The following KCNQ2 variants were observed in gnomAD, a reference collection of about 807,000 sequenced individuals.
KCNQ2 encodes potassium voltage-gated channel subfamily Q member 2, also known as potassium voltage-gated channel subfamily KQT member 2.
A neutral mutation model predicts 84.8 loss-of-function variants in KCNQ2; 14 were observed. The observed-to-expected ratio is 0.17, with a 90% CI of 0.11 to 0.26. The LOEUF is 0.26. Ranked by LOEUF, KCNQ2 falls within the 10% of genes least tolerant of loss-of-function variation. KCNQ2 has a pLI of 1.00. For synonymous variants in KCNQ2, 599 were observed against 554.1 expected (o/e 1.08, Z -1.14); for missense variants, 788 against 1,254.0 (o/e 0.63, Z 5.61).
At chr20:63,424,873 T>C (rs1446853090) in intron 10 of KCNQ2, among the ~76,000 whole-genome samples, 1 of 152,214 alleles carries the variant, frequency 6.6e-6, no homozygotes. Flanking sequence ...CCCAGCGATC[T>C]CATTCGAACA....
chr20:63,455,892 G>A (rs7508914), intron 1 of KCNQ2, among the ~76,000 whole-genome samples: 2 of 57,766 alleles, frequency 3.5e-5, no homozygotes, highest in Non-Finnish European at 6.6e-5. Context: ...GGAGACCCCT[G>A]TGCTCACGGG....
At chr20:63,439,901 T>C (rs1056036746) in intron 5 of KCNQ2, 193 bp from the exon 6 acceptor site, 2 of 647,684 alleles carry the variant, frequency 3.1e-6, no homozygotes, top group African/African-American at 1.8e-5. Context: ...TCTCTCCTCT[T>C]CCCCTACAGG....
rs1198817209 is a variant in KCNQ2 at position 63,425,491 on chromosome 20, G to A, written c.1218-1285C>T. On this transcript the variant is annotated intron_variant, in intron 10 of 16. Transcript: ENST00000359125. The surrounding 1 kb of genome is among the most constrained non-coding windows in gnomAD (Gnocchi z 5.5). ...TCCCAGCACTTTGGGAGGCCGAGGC[G>A]GGTGGATCACCTGAGGTCAGGAGTT... Among the ~76,000 whole-genome samples, 4 of 152,058 alleles carry A rather than the reference G, an allele frequency of 2.6e-5. No individual in the cohort carries two copies. The highest frequency in any genetic ancestry group is 4.4e-5 in the Non-Finnish European group (3 of 67,996).
Position 63,431,438 on chromosome 20 carries a change from A to AGAAAAT in KCNQ2, c.1119-75_1119-70dup. ...TTTCAAAAAGAACGGGATAAGAAAA[A>AGAAAAT]GAAAATGAAACAAATAGTTGAGGAA... On this transcript the variant is annotated intron_variant, in intron 8 of 16. Coordinates refer to ENST00000359125, the MANE Select transcript of KCNQ2 (RefSeq NM_172107.4). 14 of 1,533,004 alleles carry AGAAAAT rather than the reference A, an allele frequency of 9.1e-6. 1 individual carries two copies. The South Asian group carries it at 1.6e-4, about 17-fold the overall frequency. 95.0% of individuals were successfully genotyped at this position (1,533,004 alleles called of 1,614,324 possible).
In KCNQ2 at chr20:63,472,272, G is replaced by C; in HGVS notation, c.192C>G (p.Ala64=). 2.0e-6 allele frequency: 3 copies of C among 1,537,934 alleles called. No homozygotes were observed. Among genetic ancestry groups the C allele is most frequent in the South Asian group, 1.2e-5 (1 of 82,420 alleles). Residue 64 remains alanine, a synonymous_variant, in exon 1 of 17, where the codon GCC becomes GCG. Transcript: ENST00000359125. ...LSKPRAGGAG[A]GKPPKRNAFY... Reference sequence around the variant, plus strand: ...AGGCGTTGCGCTTGGGGGGCTTCCCGGCGCCCGCGCCGCCCGCGCGAGGTT... The same window carrying C: ...AGGCGTTGCGCTTGGGGGGCTTCCCCGCGCCCGCGCCGCCCGCGCGAGGTT...
At chr20:63,461,138 A>C (rs761254370) in intron 1 of KCNQ2, 8 of 152,236 alleles carry the variant, frequency 5.3e-5, no homozygotes, top group Non-Finnish European at 1.2e-4. Context: ...CAGTCAGAAG[A>C]AAATAAGCCA....
Position 63,446,633 on chromosome 20 carries a change from A to G in KCNQ2, c.387+114T>C, listed in dbSNP as rs2145788350. The G allele has an allele frequency of 1.1e-6, 1 of 869,834 alleles. No individual in the cohort carries two copies. The highest frequency in any genetic ancestry group is 1.4e-5 in the South Asian group (1 of 72,806). The allele number at this position is 869,834 out of a possible 1,614,324, so 53.9% of individuals were successfully genotyped here. On this transcript the variant is annotated intron_variant, in intron 2 of 16. Transcript: ENST00000359125. This position sits in a 1 kb window ranked among gnomAD's most constrained non-coding sequence, Gnocchi z 5.5. Reference sequence around the variant, plus strand: ...TGACAGGGCACAAAGACATGGCCAGAGCTGGGGCTGGGGGCGTCAGAGGCC... The same window carrying G: ...TGACAGGGCACAAAGACATGGCCAGGGCTGGGGCTGGGGGCGTCAGAGGCC...
Position 63,401,582 on chromosome 20 carries a change from C to T in KCNQ2, c.*5062G>A, listed in dbSNP as rs6090403. The T allele has an allele frequency of 0.5, 76,583 of 152,460 alleles. 20,052 individuals are homozygous for T. The highest frequency in any genetic ancestry group is 0.91 in the East Asian group (4,715 of 5,184). The allele number at this position is 152,460 out of a possible 1,614,324, so 9.4% of individuals were successfully genotyped here. A position where few individuals can be genotyped will look rare whatever the true frequency, so the allele number is the denominator to read the frequency against. On this transcript the variant is annotated 3_prime_UTR_variant, in exon 17 of 17. Transcript: ENST00000359125. ...GGCACAGCCACACAGGCTCCCCAGGCGGCCATTCCGTCCTGCAGCCCCTAA... is the reference window on the plus strand; with the variant it reads ...GGCACAGCCACACAGGCTCCCCAGGTGGCCATTCCGTCCTGCAGCCCCTAA...
At chr20:63,442,947 CCATCAT>C (rs2081254586) in intron 4 of KCNQ2, among the ~76,000 whole-genome samples, 72 of 101,764 alleles carry the variant, frequency 7.1e-4, no homozygotes, top group African/African-American at 1.9e-3. Context: ...ACCACCATCA[CCATCAT>C]CACCATCACC....
intron 10 of KCNQ2, chr20:63,424,446 G>T (rs2080569544): frequency 1.7e-6 from 1 of 585,924 alleles, no homozygotes; most frequent in East Asian, 2.8e-5. Flanking sequence ...ATGGGGCGGG[G>T]GCCTCTGCTC....
chr20:63,423,137 C>A (rs896650598), intron 11 of KCNQ2, among the ~76,000 whole-genome samples: 1 of 152,162 alleles, frequency 6.6e-6, no homozygotes, highest in Non-Finnish European at 1.5e-5. Flanking sequence ...TGAATGAGCC[C>A]CTGGTGGTTT....
At chr20:63,458,624 C>A (rs376891785) in intron 1 of KCNQ2, among the ~76,000 whole-genome samples, 3 of 152,220 alleles carry the variant, frequency 2.0e-5, no homozygotes, top group Admixed American at 6.5e-5. Context: ...ACTGTCCCCC[C>A]AGAGCAGCGG....
rs116684718 is a variant in KCNQ2, at chr20:63,417,912, G to A, written c.1301+1707C>T. 7.8e-3 allele frequency among the ~76,000 whole-genome samples: 1,184 copies of A among 152,332 alleles called. 8 individuals carry two copies. Among genetic ancestry groups the A allele is most frequent in the African/African-American group, 0.02 (822 of 41,570 alleles). On this transcript the variant is annotated intron_variant, in intron 12 of 16. Coordinates refer to ENST00000359125, the MANE Select transcript of KCNQ2 (RefSeq NM_172107.4). Reference sequence around the variant, plus strand: ...CACGTGTACTGCCCCAGACAGAGCCGGCGGGAAGGAGCCTGCCCTGGCCTC... The same window carrying A: ...CACGTGTACTGCCCCAGACAGAGCCAGCGGGAAGGAGCCTGCCCTGGCCTC...
At chr20:63,433,060 G>A (rs1480214464) in intron 8 of KCNQ2, among the ~76,000 whole-genome samples, 1 of 152,210 alleles carries the variant, frequency 6.6e-6, no homozygotes, top group Non-Finnish European at 1.5e-5. Context: ...CGTGGACCAG[G>A]AGAAAGGCCC....
intron 1 of KCNQ2, among the ~76,000 whole-genome samples, chr20:63,456,633 C>T (rs2081806423): frequency 6.6e-6 from 1 of 152,170 alleles, no homozygotes; most frequent in African/African-American, 2.4e-5. Context: ...CTTCTCAGCA[C>T]ACCCATGACC....
Position 63,407,330 on chromosome 20 carries a change from T to C in KCNQ2, c.1933A>G (p.Met645Val), listed in dbSNP as rs752076408. The change falls in exon 17 of 17, where the codon ATG becomes GTG. Residue 645 changes from methionine to valine, a missense_variant. Coordinates refer to ENST00000359125, the MANE Select transcript of KCNQ2 (RefSeq NM_172107.4). The surrounding 1 kb of genome is among the most constrained non-coding windows in gnomAD (Gnocchi z 7.2). ...KKLDFLVNIYMQRMGIPPTET... is the reference protein window; with the variant it reads ...KKLDFLVNIYVQRMGIPPTET... ...GTCGGGGGGATGCCCATCCGCTGCA[T>C]GTAGATATTCACCAGGAAGTCCAGC... 6.3e-7 allele frequency: 1 copy of C among 1,597,528 alleles called. No homozygotes were observed. The highest frequency in any genetic ancestry group is 8.5e-7 in the Non-Finnish European group (1 of 1,179,226).
chr20:63,409,723 G>A (rs1386257879), intron 15 of KCNQ2, among the ~76,000 whole-genome samples: 1 of 152,092 alleles, frequency 6.6e-6, no homozygotes, highest in Non-Finnish European at 1.5e-5. Flanking sequence ...CTGCCACTGG[G>A]CTGCCCTACC....
chr20:63,407,469 G>A lies in KCNQ2; in HGVS notation c.1888-94C>T, dbSNP rs2079984535. The A allele has an allele frequency of 7.1e-7, 1 of 1,403,592 alleles. No homozygotes were observed. The highest frequency in any genetic ancestry group is 1.2e-5 in the South Asian group (1 of 80,734). 86.9% of individuals were successfully genotyped at this position (1,403,592 alleles called of 1,614,324 possible). A position where few individuals can be genotyped will look rare whatever the true frequency, so the allele number is the denominator to read the frequency against. ...CCAGGAAATGGGGGGGCCCAGGCTG[G>A]TTCCAGGAAACAGGAGAGACCCAGG... On this transcript the variant is annotated intron_variant, in intron 16 of 16. Coordinates refer to ENST00000359125, the MANE Select transcript of KCNQ2 (RefSeq NM_172107.4). The surrounding 1 kb of genome is among the most constrained non-coding windows in gnomAD (Gnocchi z 7.2).
rs1214129147 is a variant in KCNQ2 at position 63,446,871 on chromosome 20, C to CGCAGCAGGGCA, written c.297-45_297-35dup. 8 of 1,571,134 alleles carry CGCAGCAGGGCA rather than the reference C, an allele frequency of 5.1e-6. No homozygotes were observed. Among genetic ancestry groups the CGCAGCAGGGCA allele is most frequent in the African/African-American group, 1.4e-5 (1 of 73,988 alleles). On this transcript the variant is annotated intron_variant, in intron 1 of 16. Coordinates refer to ENST00000359125, the MANE Select transcript of KCNQ2 (RefSeq NM_172107.4). The surrounding 1 kb of genome is among the most constrained non-coding windows in gnomAD (Gnocchi z 5.5). ...AGGGAACGCGCGCTCTCAGACAGGCCGCAGCAGGGCAGCAGCATGGCTGTG... is the reference window on the plus strand; with the variant it reads ...AGGGAACGCGCGCTCTCAGACAGGCCGCAGCAGGGCAGCAGCAGGGCAGCAGCATGGCTGTG...
Sources: allele counts gnomAD v4.1 joint callset (sites outside exome capture counted in the v4.1 genomes callset), GRCh38; gene constraint gnomAD v4.1.1; non-coding constraint Gnocchi (gnomAD v3.1); transcripts MANE v1.5; gene names NCBI Gene and HGNC (gene_info 2026-07-23, HGNC 2026-07-21).